Variants in ZNF226 observed in about 807,000 individuals in gnomAD.
ZNF226 encodes the protein zinc finger protein 226, also known as Kruppel-associated box protein.
Under a neutral mutation model 11.4 loss-of-function variants are expected in ZNF226, and 6 were observed. The observed-to-expected ratio is 0.53, with a 90% CI of 0.29 to 1.04. The LOEUF is 1.04. Ranked by LOEUF, ZNF226 falls within the 50% of genes least tolerant of loss-of-function variation. The pLI, the probability that ZNF226 is intolerant of heterozygous loss-of-function variation, is 0.08. For missense variants in ZNF226, 1,058 were observed against 956.5 expected (o/e 1.11, Z -1.40); for synonymous variants, 350 against 322.8 (o/e 1.08, Z -0.90).
chr19:44,170,594 C>T (rs780079634), intron 3 of ZNF226, among the ~76,000 whole-genome samples: 5 of 152,246 alleles, frequency 3.3e-5, no homozygotes, highest in South Asian at 2.1e-4. Context: ...ATGAGCCAGG[C>T]GTGGTTGCAG....
rs1970733572 is a variant in ZNF226, at chr19:44,176,864, GAT to G, written c.1605_1606del (p.Ile535MetfsTer25). 5 of 1,613,770 alleles carry G rather than the reference GAT, an allele frequency of 3.1e-6. No individual in the cohort carries two copies. Among genetic ancestry groups the G allele is most frequent in the South Asian group, 1.1e-5 (1 of 91,064 alleles). ...HTGEKPYKCE[I>X]CGKGFSQSSY... is the part of the protein sequence containing the mutation. Reference sequence around the variant, plus strand: ...CAGGAGAGAAACCCTATAAATGTGAGATATGTGGGAAGGGCTTCAGTCAAAGT... The same window carrying G: ...CAGGAGAGAAACCCTATAAATGTGAGATGTGGGAAGGGCTTCAGTCAAAGT... On this transcript the variant is annotated frameshift_variant, in exon 6 of 6. Coordinates refer to ENST00000337433, the MANE Select transcript of ZNF226 (RefSeq NM_001032373.2). LOFTEE classifies it low-confidence loss of function (END_TRUNC).
chr19:44,171,316 T>A (rs1599725357), intron 3 of ZNF226, among the ~76,000 whole-genome samples: 2 of 152,340 alleles, frequency 1.3e-5, no homozygotes, highest in East Asian at 3.9e-4. Context: ...TAACAGCTGC[T>A]TCACCCAGAA....
chr19:44,172,108 C>T lies in ZNF226; in HGVS notation c.36C>T (p.Asp12=), dbSNP rs143894340. 7.4e-4 allele frequency: 1,199 copies of T among 1,612,528 alleles called. 5 individuals carry two copies. The African/African-American group carries it at 0.014, about 19-fold the overall frequency. ...CGTAGGAAGCAGTGACCTTCAAGGA[C>T]GTGGCTGTGGCCTTCACGGAGGAGG... ...NMFKEAVTFK[D]VAVAFTEEEL... The change falls in exon 4 of 6, where the codon GAC becomes GAT. Residue 12 remains aspartate (D), a synonymous_variant. Transcript: ENST00000337433.
At chr19:44,165,521 CGAG>C (rs1211078770) in intron 1 of ZNF226, 1 of 152,104 alleles carries the variant, frequency 6.6e-6, no homozygotes, top group Non-Finnish European at 1.5e-5. Flanking sequence ...TGAGAGAAAA[CGAG>C]GTAATACAAA....
At position 44,176,397 on chromosome 19, in the gene ZNF226, C is replaced by G. The variant is rs758418812; in HGVS notation, c.1135C>G (p.Gln379Glu). The change falls in exon 6 of 6, where the codon CAG (glutamine) becomes GAG (glutamate). Residue 379 changes from glutamine (Q) to glutamate (E), a missense_variant. Transcript: ENST00000337433. ...GGCCTTCAGTCAGGCCTCTCATCTTCAGGACCATCAGAGACTCCACACTGG... is the reference window on the plus strand; with the variant it reads ...GGCCTTCAGTCAGGCCTCTCATCTTGAGGACCATCAGAGACTCCACACTGG... ...GRAFSQASHL[Q>E]DHQRLHTGEK... 6.8e-6 allele frequency: 11 copies of G among 1,613,848 alleles called. No homozygotes were observed. Among genetic ancestry groups the G allele is most frequent in the Admixed American group, 1.7e-5 (1 of 59,986 alleles).
chr19:44,181,023 A>G (rs1568577417), downstream of ZNF226, among the ~76,000 whole-genome samples: 1 of 152,016 alleles, frequency 6.6e-6, no homozygotes, highest in Non-Finnish European at 1.5e-5. Context: ...CTTGATTCTC[A>G]TCTACACTCA....
At chr19:44,183,393 TC>T in the ZNF226 span, among the ~76,000 whole-genome samples, 1 of 152,194 alleles carries the variant, frequency 6.6e-6, no homozygotes, top group Non-Finnish European at 1.5e-5. Flanking sequence ...GACAGAATCC[TC>T]ATACTGAATG....
chr19:44,168,412 C>T (rs1047363712), intron 2 of ZNF226, among the ~76,000 whole-genome samples: 11 of 152,096 alleles, frequency 7.2e-5, no homozygotes, highest in African/African-American at 2.7e-4. Flanking sequence ...TAAACTTACT[C>T]CATTTTCCCA....
chr19:44,194,287 G>C, the ZNF226 span, among the ~76,000 whole-genome samples: 32 of 152,218 alleles, frequency 2.1e-4, no homozygotes, highest in African/African-American at 7.7e-4. Context: ...TGTTACTGTT[G>C]TTGTTTAGAT....
chr19:44,167,880 A>G (rs1414280780), intron 2 of ZNF226: 1 of 152,016 alleles, frequency 6.6e-6, no homozygotes, highest in African/African-American at 2.4e-5. Context: ...AATTAGGAGG[A>G]CCCTGGTTAT....
chr19:44,172,819 T>C, intron 4 of ZNF226, 41 bp from the exon 5 acceptor site: 1 of 1,517,518 alleles, frequency 6.6e-7, no homozygotes, highest in South Asian at 1.2e-5. Flanking sequence ...ATTTTAACTC[T>C]AATATGTTCA....
chr19:44,165,961 A>C (rs1969322068), intron 2 of ZNF226, among the ~76,000 whole-genome samples, 154 bp downstream of exon 2: 1 of 152,224 alleles, frequency 6.6e-6, no homozygotes, highest in Non-Finnish European at 1.5e-5. Context: ...TCCACTATAC[A>C]GTGGCTCTGT....
downstream of ZNF226, among the ~76,000 whole-genome samples, chr19:44,181,964 T>G (rs750793608): frequency 8.5e-5 from 13 of 152,154 alleles, no homozygotes; most frequent in Non-Finnish European, 1.8e-4. Context: ...GTAATTTATA[T>G]CAATAGAAAC....
At chr19:44,185,787 T>C in the ZNF226 span, among the ~76,000 whole-genome samples, 1 of 152,178 alleles carries the variant, frequency 6.6e-6, no homozygotes, top group Admixed American at 6.5e-5. Flanking sequence ...TCTATTTTTC[T>C]TTCCATTATC....
chr19:44,177,399 A>G lies in ZNF226; in HGVS notation c.2137A>G (p.Ser713Gly). The G allele has an allele frequency of 6.2e-7, 1 of 1,612,756 alleles. No individual in the cohort carries two copies. Among genetic ancestry groups the G allele is most frequent in the East Asian group, 2.2e-5 (1 of 44,740 alleles). Reference protein sequence around the residue: ...ECGKYFSQASSLQLHQSVHTG... With the variant: ...ECGKYFSQASGLQLHQSVHTG... ...TGGTAAGTACTTCAGTCAGGCCTCA[A>G]GTCTTCAACTTCATCAGAGTGTCCA... The change falls in exon 6 of 6, where the codon AGT (serine) becomes GGT (glycine). Residue 713 changes from serine to glycine, a missense_variant. Transcript: ENST00000337433.
At chr19:44,198,625 T>C in the ZNF226 span, among the ~76,000 whole-genome samples, 1 of 152,136 alleles carries the variant, frequency 6.6e-6, no homozygotes, top group Non-Finnish European at 1.5e-5. Context: ...CCTATTGTTG[T>C]GTTTTAAGGT....
chr19:44,176,105 A>C lies in ZNF226; in HGVS notation c.843A>C (p.Thr281=), dbSNP rs182514929. 2 of 1,614,072 alleles carry C rather than the reference A, an allele frequency of 1.2e-6. No homozygotes were observed. Residue 281 remains threonine, a synonymous_variant, in exon 6 of 6, where the codon ACA becomes ACC. Coordinates refer to ENST00000337433, the MANE Select transcript of ZNF226 (RefSeq NM_001032373.2). ...QQLQSGEKSL[T]CVERGKGFCY... ...TACAATCAGGAGAGAAGTCTCTTAC[A>C]TGTGTTGAGCGTGGAAAAGGCTTCT... is the stretch of plus-strand genomic sequence containing the variant.
At chr19:44,189,102 C>A in the ZNF226 span, among the ~76,000 whole-genome samples, 2 of 152,038 alleles carry the variant, frequency 1.3e-5, no homozygotes, top group Admixed American at 1.3e-4. Flanking sequence ...ACCTGGAGTC[C>A]GTTGTTAAGT....
At chr19:44,179,652 TACTC>T (rs933044675), downstream of ZNF226, among the ~76,000 whole-genome samples, 7 of 152,204 alleles carry the variant, frequency 4.6e-5, no homozygotes, top group African/African-American at 1.2e-4. Context: ...TTGACAGACT[TACTC>T]ACTGGCTGAA....
Sources: gnomAD v4.1 joint callset for allele counts (sites outside exome capture counted in the v4.1 genomes callset) on GRCh38, gnomAD v4.1.1 for gene constraint, MANE v1.5 for transcripts, NCBI Gene and HGNC (gene_info 2026-07-23, HGNC 2026-07-21) for gene names.